KLHL2: variants seen among roughly 807,000 people sequenced by gnomAD.
The protein encoded by KLHL2 is kelch-like protein 2.
KLHL2 carries 15 observed loss-of-function variants against 75.8 expected under a neutral mutation model. That is an observed-to-expected ratio of 0.20 (90% confidence interval 0.13 to 0.30). The LOEUF (loss-of-function observed/expected upper bound fraction) is 0.30. Ranked by LOEUF, KLHL2 falls within the 10% of genes least tolerant of loss-of-function variation. The probability of loss-of-function intolerance (pLI) is 1.00; values close to 1 mark genes in which losing one functional copy is unlikely to be tolerated. For synonymous variants in KLHL2, 214 were observed against 251.9 expected, an observed-to-expected ratio of 0.85 and a Z score of 1.42; for missense variants, 381 against 741.0, an observed-to-expected ratio of 0.51 and a Z score of 5.64.
chr4:165,264,669 C>T (rs1742009351), intron 5 of KLHL2, among the ~76,000 whole-genome samples: 1 of 112,486 alleles, frequency 8.9e-6, no homozygotes, highest in Non-Finnish European at 1.8e-5. Flanking sequence ...TATATGTCTA[C>T]ATACGTATAT....
chr4:165,307,095 G>A (rs1745790714), intron 9 of KLHL2, among the ~76,000 whole-genome samples: 1 of 152,160 alleles, frequency 6.6e-6, no homozygotes, highest in South Asian at 2.1e-4. Flanking sequence ...CGATCACAAG[G>A]TCAGAAGCTT....
At chr4:165,237,640 T>C (rs1223214254) in intron 3 of KLHL2, among the ~76,000 whole-genome samples, 5 of 152,338 alleles carry the variant, frequency 3.3e-5, no homozygotes, top group African/African-American at 1.2e-4. Context: ...GACAGTGCAT[T>C]GTATCAGAAA....
At chr4:165,306,955 G>A (rs1036227875) in intron 9 of KLHL2, among the ~76,000 whole-genome samples, 1 of 152,118 alleles carries the variant, frequency 6.6e-6, no homozygotes, top group Non-Finnish European at 1.5e-5. Context: ...AAAGCCATAT[G>A]CCAAAGTTAT....
At chr4:165,219,069 T>C (rs1737776821) in intron 1 of KLHL2, among the ~76,000 whole-genome samples, 1 of 152,214 alleles carries the variant, frequency 6.6e-6, no homozygotes, top group Non-Finnish European at 1.5e-5. Context: ...CTTGCCCCCC[T>C]CCTCATGGGA....
At chr4:165,220,453 C>T (rs1292819364) in intron 2 of KLHL2, among the ~76,000 whole-genome samples, 2 of 151,996 alleles carry the variant, frequency 1.3e-5, no homozygotes, top group Non-Finnish European at 2.9e-5. Flanking sequence ...GGTGCGGTGA[C>T]TCATGCCTAT....
chr4:165,283,045 A>G (rs1269502596), intron 5 of KLHL2, among the ~76,000 whole-genome samples: 1 of 152,086 alleles, frequency 6.6e-6, no homozygotes, highest in East Asian at 1.9e-4. Context: ...ATCTCATGAT[A>G]CCTATTCACT....
At chr4:165,229,066 G>A (rs1289927418) in intron 3 of KLHL2, among the ~76,000 whole-genome samples, 153 bp downstream of exon 3, 1 of 152,144 alleles carries the variant, frequency 6.6e-6, no homozygotes. Context: ...ATTCCTCCTC[G>A]TCTTTGTTTT....
At position 165,319,340 on chromosome 4, in the gene KLHL2, A is replaced by C. The variant is rs1246117057; in HGVS notation, c.1753+1371A>C. On this transcript the variant is annotated intron_variant, in intron 14 of 14. Transcript: ENST00000226725. The surrounding 1 kb of genome is among the most constrained non-coding windows in gnomAD (Gnocchi z 4.5). The stretch of plus-strand genomic sequence containing the variant: ...GAATAATACCATGGGACCCATACAA[A>C]GTGCCACCGGTGATGGTGCTAGGAA... 3.3e-5 allele frequency among the ~76,000 whole-genome samples: 5 copies of C among 152,186 alleles called. No individual in the cohort carries two copies. Among genetic ancestry groups the C allele is most frequent in the African/African-American group, 1.2e-4 (5 of 41,448 alleles).
At position 165,317,851 on chromosome 4, in the gene KLHL2, A is replaced by T. The variant is rs1746697151; in HGVS notation, c.1635A>T (p.Leu545Phe). 1 of 1,613,584 alleles carries T rather than the reference A, an allele frequency of 6.2e-7. No individual in the cohort carries two copies. The highest frequency in any genetic ancestry group is 8.5e-7 in the Non-Finnish European group (1 of 1,179,660). ...GAGTTTGTGCAGTTAATGGTCTGTT[A>T]TATGTTGTTGGAGGGGATGATGGTT... is the stretch of plus-strand genomic sequence containing the variant. The part of the protein sequence containing the change: ...NAGVCAVNGL[L>F]YVVGGDDGSC... The change falls in exon 14 of 15, where the codon TTA (leucine) becomes TTT (phenylalanine). Residue 545 changes from leucine to phenylalanine, a missense_variant. Leu to Phe is a conservative substitution (Grantham distance 22, BLOSUM62 0). Coordinates refer to ENST00000226725, the MANE Select transcript of KLHL2 (RefSeq NM_007246.4).
At chr4:165,228,760 T>C (rs1427510129) in intron 2 of KLHL2, 47 bp from the exon 3 acceptor site, 1 of 1,194,946 alleles carries the variant, frequency 8.4e-7, no homozygotes, top group African/African-American at 1.5e-5. Context: ...GTTCAATACA[T>C]TCGTTGTTGA....
At chr4:165,220,125 G>C in intron 2 of KLHL2, 66 bp downstream of exon 2, 2 of 1,541,228 alleles carry the variant, frequency 1.3e-6, no homozygotes, top group Non-Finnish European at 1.7e-6. Flanking sequence ...TGTTTGTAGT[G>C]AATATATAAT....
chr4:165,269,145 T>G (rs1275247371), intron 5 of KLHL2, among the ~76,000 whole-genome samples: 2 of 152,180 alleles, frequency 1.3e-5, no homozygotes, highest in Admixed American at 6.5e-5. Context: ...CTGCTTTTTT[T>G]TTGTTTTCCA....
At chr4:165,255,682 C>G (rs535976226) in intron 4 of KLHL2, among the ~76,000 whole-genome samples, 1 of 152,118 alleles carries the variant, frequency 6.6e-6, no homozygotes, top group Non-Finnish European at 1.5e-5. Context: ...CATGACTCTC[C>G]ACCCAGATCT....
Position 165,310,559 on chromosome 4 carries a change from T to G in KLHL2, c.1046T>G (p.Val349Gly), listed in dbSNP as rs1257889127. Residue 349 changes from valine to glycine, a missense_variant, in exon 10 of 15, where the codon GTC (valine) becomes GGC (glycine). By Grantham distance (109) the Val-to-Gly change is moderately radical (BLOSUM62 -3). Around this residue, in one of 5 missense-constraint regions of KLHL2, gnomAD observed 168 missense variants for 370.4 expected, o/e 0.45. Transcript: ENST00000226725. ...TGCTGTACTCCTTTTGCAGGCATGG[T>G]CTACATGGCTGGACTTGTTTTTGCT... ...LPSRRCRAGM[V>G]YMAGLVFAVG... The G allele has an allele frequency of 1.2e-6, 2 of 1,613,626 alleles. No individual in the cohort carries two copies. Among genetic ancestry groups the G allele is most frequent in the East Asian group, 2.2e-5 (1 of 44,882 alleles).
At chr4:165,285,437 G>A (rs1214681577) in intron 5 of KLHL2, among the ~76,000 whole-genome samples, 8 of 151,826 alleles carry the variant, frequency 5.3e-5, no homozygotes, top group African/African-American at 9.7e-5. Flanking sequence ...ATGGAGTTTC[G>A]TTCTTGTTCC....
chr4:165,287,830 C>T (rs942893180), intron 5 of KLHL2, among the ~76,000 whole-genome samples: 5 of 152,108 alleles, frequency 3.3e-5, no homozygotes, highest in Non-Finnish European at 5.9e-5. Flanking sequence ...AACGTTTATT[C>T]CAGTCCTTTG....
chr4:165,264,721 C>A (rs55920694), intron 5 of KLHL2, among the ~76,000 whole-genome samples: 2 of 71,200 alleles, frequency 2.8e-5, no homozygotes, highest in South Asian at 6.5e-4. Flanking sequence ...TATATATATA[C>A]ATATATATAT....
chr4:165,280,061 C>G (rs1342869090), intron 5 of KLHL2, among the ~76,000 whole-genome samples: 1 of 152,182 alleles, frequency 6.6e-6, no homozygotes, highest in Non-Finnish European at 1.5e-5. Context: ...TTGGTTCGGA[C>G]TAGATGTGTG....
chr4:165,299,233 A>G (rs1275498716), intron 7 of KLHL2, among the ~76,000 whole-genome samples: 1 of 152,164 alleles, frequency 6.6e-6, no homozygotes, highest in African/African-American at 2.4e-5. Context: ...AGAGTTCATC[A>G]TATTCCATAG....
Sources: allele counts gnomAD v4.1 joint callset (sites outside exome capture counted in the v4.1 genomes callset), GRCh38; gene constraint gnomAD v4.1.1; regional missense constraint gnomAD v4.1.1; non-coding constraint Gnocchi (gnomAD v3.1); transcripts MANE v1.5; gene names NCBI Gene and HGNC (gene_info 2026-07-23, HGNC 2026-07-21).